The following CEP85L variants were observed in gnomAD, a reference collection of about 807,000 sequenced individuals.
CEP85L encodes the protein centrosomal protein of 85 kDa-like.
A neutral mutation model predicts 100.3 loss-of-function variants in CEP85L; 60 were observed. That is an observed-to-expected ratio of 0.60 (90% CI 0.49 to 0.74). The LOEUF is 0.74. Ranked by LOEUF, CEP85L falls within the 30% of genes least tolerant of loss-of-function variation. The pLI is 0.00. For synonymous variants in CEP85L, 319 were observed against 322.7 expected, an observed-to-expected ratio of 0.99 and a Z score of 0.12; for missense variants, 973 against 936.2, an observed-to-expected ratio of 1.04 and a Z score of -0.51.
intron 2 of CEP85L, among the ~76,000 whole-genome samples, chr6:118,627,949 T>C (rs938281656): frequency 6.6e-6 from 1 of 152,130 alleles, no homozygotes; most frequent in African/African-American, 2.4e-5. Flanking sequence ...AGCCATCCTG[T>C]CCCACTCAAG....
intron 3 of CEP85L, among the ~76,000 whole-genome samples, chr6:118,541,940 T>TA (rs778228517): frequency 2.6e-5 from 4 of 152,206 alleles, no homozygotes; most frequent in Non-Finnish European, 5.9e-5. Flanking sequence ...TGAAAATTAT[T>TA]ACATTTCAAA....
intron 2 of CEP85L, among the ~76,000 whole-genome samples, chr6:118,595,105 A>G (rs1304110273): frequency 6.6e-6 from 1 of 152,126 alleles, no homozygotes; most frequent in African/African-American, 2.4e-5. Context: ...AGATTATGCT[A>G]TGTACAACAA....
chr6:118,687,508 G>T (rs1378879308), intron 1 of CEP85L, among the ~76,000 whole-genome samples: 1 of 152,192 alleles, frequency 6.6e-6, no homozygotes, highest in Non-Finnish European at 1.5e-5. Flanking sequence ...CAGATAGTAA[G>T]GAGAGCTCAC....
At chr6:118,622,303 A>T (rs966563885) in intron 2 of CEP85L, among the ~76,000 whole-genome samples, 2 of 152,226 alleles carry the variant, frequency 1.3e-5, no homozygotes, top group Non-Finnish European at 2.9e-5. Context: ...TAATCCTTGA[A>T]GGATCAGTGT....
At chr6:118,702,371 G>C (rs759993035) in intron 1 of CEP85L, among the ~76,000 whole-genome samples, 3 of 151,958 alleles carry the variant, frequency 2.0e-5, no homozygotes, top group Non-Finnish European at 4.4e-5. Flanking sequence ...AATTAGCCAG[G>C]CGTGGTGATA....
chr6:118,705,041 TC>T (rs1361984349), intron 1 of CEP85L, among the ~76,000 whole-genome samples: 1 of 152,202 alleles, frequency 6.6e-6, no homozygotes, highest in Non-Finnish European at 1.5e-5. Flanking sequence ...TTTCATTTTT[TC>T]CCCATTCCTT....
At chr6:118,693,484 C>A (rs1445461204) in intron 1 of CEP85L, among the ~76,000 whole-genome samples, 4 of 152,102 alleles carry the variant, frequency 2.6e-5, no homozygotes, top group Admixed American at 2.0e-4. Context: ...GTTAGTGCTG[C>A]AAAAATAATT....
chr6:118,685,178 T>C (rs1776791673), intron 1 of CEP85L, among the ~76,000 whole-genome samples: 1 of 152,166 alleles, frequency 6.6e-6, no homozygotes, highest in Non-Finnish European at 1.5e-5. Context: ...TTTTTAAGAA[T>C]ATAAGAATAT....
chr6:118,465,307 C>G lies in CEP85L; in HGVS notation c.*98G>C, dbSNP rs974928459. 2.6e-6 allele frequency: 3 copies of G among 1,139,436 alleles called. No homozygotes were observed. In the East Asian group the frequency reaches 8.0e-5, roughly 30 times the overall value. 70.6% of individuals were successfully genotyped at this position (1,139,436 alleles called of 1,614,324 possible). A position where few individuals can be genotyped will look rare whatever the true frequency, so the allele number is the denominator to read the frequency against. On this transcript the variant is annotated 3_prime_UTR_variant, in exon 13 of 13. Transcript: ENST00000368491. ...AAACAAATCCACAGAAAAAAAATCC[C>G]TAAGTGCAAGTCATGTCACTTGCAA...
rs532464311 is a variant in CEP85L at position 118,663,107 on chromosome 6, A to G, written c.-27-10299T>C. ...ACTTCATTTATACAAAGATTAAATAATTAAGAAAATAATTTTGGTGAAGGT... is the reference window on the plus strand; with the variant it reads ...ACTTCATTTATACAAAGATTAAATAGTTAAGAAAATAATTTTGGTGAAGGT... On this transcript the variant is annotated intron_variant, in intron 1 of 13. Transcript: ENST00000368488. Among the ~76,000 whole-genome samples the G allele has an allele frequency of 1.8e-4, 27 of 152,330 alleles. No individual in the cohort carries two copies. In the South Asian group the frequency reaches 5.6e-3, roughly 32 times the overall value.
At chr6:118,523,352 C>T (rs577079963) in intron 4 of CEP85L, among the ~76,000 whole-genome samples, 1 of 152,278 alleles carries the variant, frequency 6.6e-6, no homozygotes, top group African/African-American at 2.4e-5. Context: ...TAATTCTTAA[C>T]TATAAGTCAT....
chr6:118,688,689 T>G (rs1441705642), intron 1 of CEP85L, among the ~76,000 whole-genome samples: 1 of 152,214 alleles, frequency 6.6e-6, no homozygotes, highest in African/African-American at 2.4e-5. Flanking sequence ...GGTCCTCACA[T>G]CTATCTGTTT....
At chr6:118,706,333 G>A (rs1421872012) in intron 1 of CEP85L, among the ~76,000 whole-genome samples, 1 of 152,148 alleles carries the variant, frequency 6.6e-6, no homozygotes, top group Non-Finnish European at 1.5e-5. Flanking sequence ...TTTCAGTAGA[G>A]GGAAATTTCA....
At chr6:118,570,955 AAAG>A in intron 2 of CEP85L, among the ~76,000 whole-genome samples, 1 of 152,204 alleles carries the variant, frequency 6.6e-6, no homozygotes, top group African/African-American at 2.4e-5. Context: ...ATAAATGAAA[AAAG>A]AATTATTTGA....
At chr6:118,687,934 C>G (rs1211858676) in intron 1 of CEP85L, among the ~76,000 whole-genome samples, 2 of 152,164 alleles carry the variant, frequency 1.3e-5, no homozygotes, top group Non-Finnish European at 2.9e-5. Flanking sequence ...GAACACTAGT[C>G]ACTGGATTCC....
intron 1 of CEP85L, among the ~76,000 whole-genome samples, chr6:118,634,336 C>T (rs1283629117): frequency 3.3e-5 from 5 of 152,038 alleles, no homozygotes; most frequent in Non-Finnish European, 5.9e-5. Context: ...TAAAACCAGA[C>T]CTAAAGCTAC....
chr6:118,565,197 CTCTT>C (rs546030137), intron 3 of CEP85L: 15 of 239,134 alleles, frequency 6.3e-5, no homozygotes, highest in African/African-American at 1.8e-4. Flanking sequence ...CAAGTTGATG[CTCTT>C]TCTATTATAC....
intron 12 of CEP85L, among the ~76,000 whole-genome samples, chr6:118,467,763 C>T (rs1486401821): frequency 1.3e-5 from 2 of 152,162 alleles, no homozygotes; most frequent in Non-Finnish European, 2.9e-5. Flanking sequence ...TTGCTTCTTG[C>T]TCCCAAGAGA....
intron 2 of CEP85L, among the ~76,000 whole-genome samples, chr6:118,607,213 CT>C (rs2115204271): frequency 6.6e-6 from 1 of 152,258 alleles, no homozygotes; most frequent in African/African-American, 2.4e-5. Context: ...CAAACTCCGA[CT>C]TAAGAGTTTC....
Sources: gnomAD v4.1 joint callset for allele counts (sites outside exome capture counted in the v4.1 genomes callset) on GRCh38, gnomAD v4.1.1 for gene constraint, MANE v1.5 for transcripts, NCBI Gene and HGNC (gene_info 2026-07-23, HGNC 2026-07-21) for gene names.